RAB9B: variants seen among roughly 807,000 people sequenced by gnomAD.
RAB9B encodes RAB9B, member RAS oncogene family, also known as ras-related protein Rab-9B.
A neutral mutation model predicts 8.9 loss-of-function variants in RAB9B; 1 was observed. That is an observed-to-expected ratio of 0.11 (90% CI 0.04 to 0.53). RAB9B has a LOEUF of 0.53. Ranked by LOEUF, RAB9B falls within the 20% of genes least tolerant of loss-of-function variation. RAB9B has a pLI of 0.93. For synonymous variants in RAB9B, 63 were observed against 57.0 expected, an observed-to-expected ratio of 1.10 and a Z score of -0.47; for missense variants, 82 against 152.9, an observed-to-expected ratio of 0.54 and a Z score of 2.45.
the RAB9B span, among the ~76,000 whole-genome samples, chrX:103,806,436 G>A: frequency 9.9e-5 from 11 of 111,121 alleles, no homozygotes; most frequent in Admixed American, 8.6e-4. Context: ...TTCTAATTTC[G>A]TTGTACCATG....
chrX:103,782,675 C>T, the RAB9B span, among the ~76,000 whole-genome samples: 6 of 112,341 alleles, frequency 5.3e-5, no homozygotes, highest in Non-Finnish European at 9.4e-5. Context: ...TTAGCCCTTC[C>T]CAGATGAAAA....
the RAB9B span, among the ~76,000 whole-genome samples, chrX:103,793,909 T>C: frequency 8.9e-6 from 1 of 112,697 alleles, no homozygotes; most frequent in Non-Finnish European, 1.9e-5. Flanking sequence ...TTGCTTTTCC[T>C]ATCTTCAGGG....
At chrX:103,830,731 A>G (rs1409620167) in intron 1 of RAB9B, among the ~76,000 whole-genome samples, 1 of 110,289 alleles carries the variant, frequency 9.1e-6, no homozygotes, top group East Asian at 2.8e-4. Flanking sequence ...TGCAGTACCC[A>G]CAAAGCCTTA....
At chrX:103,780,077 G>C in the RAB9B span, 1 of 113,019 alleles carries the variant, frequency 8.8e-6, no homozygotes, top group African/African-American at 3.2e-5. Context: ...AGCAAGTACT[G>C]ATTGATTAAT....
the RAB9B span, among the ~76,000 whole-genome samples, chrX:103,789,727 G>C: frequency 8.9e-6 from 1 of 111,891 alleles, no homozygotes; most frequent in Non-Finnish European, 1.9e-5. Context: ...AATACATTTT[G>C]ATCAGATCAG....
At chrX:103,808,338 T>C in the RAB9B span, among the ~76,000 whole-genome samples, 29 of 112,054 alleles carry the variant, frequency 2.6e-4, no homozygotes, top group African/African-American at 9.4e-4. Context: ...ACTCAGCACA[T>C]GGCCTTAATA....
chrX:103,779,864 C>A, the RAB9B span: 2 of 112,370 alleles, frequency 1.8e-5, no homozygotes, highest in African/African-American at 6.5e-5. Context: ...AAAGCCATCC[C>A]CTGGGTACAG....
At chrX:103,813,745 C>CAAAAAAAAAAAAAAAA in the RAB9B span, among the ~76,000 whole-genome samples, 1 of 8,542 alleles carries the variant, frequency 1.2e-4, no homozygotes, top group Non-Finnish European at 1.9e-4. Context: ...AAATGGAAAG[C>CAAAAAAAAAAAAAAAA]AAAAAAAAAA....
the RAB9B span, among the ~76,000 whole-genome samples, chrX:103,798,653 T>G: frequency 1.8e-5 from 2 of 108,743 alleles, no homozygotes; most frequent in Non-Finnish European, 3.8e-5. Flanking sequence ...AATTTTTTTT[T>G]TTTTTTTGAG....
the RAB9B span, chrX:103,786,934 T>A: frequency 2.2e-6 from 1 of 448,396 alleles, no homozygotes; most frequent in East Asian, 3.7e-5. Flanking sequence ...CCTAAGCAAA[T>A]TTCTTCTCAA....
At chrX:103,831,181 G>A (rs2074702034) in intron 1 of RAB9B, among the ~76,000 whole-genome samples, 1 of 110,717 alleles carries the variant, frequency 9.0e-6, no homozygotes, top group Admixed American at 9.6e-5. Flanking sequence ...ATTGGGCGCG[G>A]CTATATTTAT....
chrX:103,778,087 T>C, the RAB9B span, among the ~76,000 whole-genome samples: 4 of 109,930 alleles, frequency 3.6e-5, no homozygotes, highest in East Asian at 5.7e-4. Context: ...GGACAGGGAG[T>C]CGGAAAAATC....
chrX:103,811,419 C>G, the RAB9B span, among the ~76,000 whole-genome samples: 2 of 111,515 alleles, frequency 1.8e-5, no homozygotes, highest in African/African-American at 6.5e-5. Flanking sequence ...TAATAATAAC[C>G]CTTAGTTTTT....
At chrX:103,799,508 A>T in the RAB9B span, among the ~76,000 whole-genome samples, 12 of 112,100 alleles carry the variant, frequency 1.1e-4, no homozygotes, top group Non-Finnish European at 5.6e-5. Context: ...GTGCACACAC[A>T]TCTCACATTA....
downstream of RAB9B, among the ~76,000 whole-genome samples, chrX:103,821,462 G>A (rs1273752578): frequency 2.7e-5 from 3 of 111,248 alleles, no homozygotes; most frequent in Admixed American, 2.9e-4. Flanking sequence ...GAAATCTGTG[G>A]CAGATGGAAT....
At chrX:103,798,842 A>G in the RAB9B span, among the ~76,000 whole-genome samples, 1 of 108,149 alleles carries the variant, frequency 9.2e-6, no homozygotes, top group Non-Finnish European at 1.9e-5. Flanking sequence ...GGGTTTCACC[A>G]TGTTGGCCAG....
chrX:103,831,345 A>G (rs1197475763), intron 1 of RAB9B, among the ~76,000 whole-genome samples: 1 of 107,242 alleles, frequency 9.3e-6, no homozygotes, highest in African/African-American at 3.4e-5. Flanking sequence ...GTTATCAGCT[A>G]CATCCATGCC....
At chrX:103,790,007 C>T in the RAB9B span, among the ~76,000 whole-genome samples, 4 of 112,219 alleles carry the variant, frequency 3.6e-5, no homozygotes, top group Non-Finnish European at 7.5e-5. Context: ...AGTGATTTAT[C>T]TGAAGTTATT....
the RAB9B span, among the ~76,000 whole-genome samples, chrX:103,803,275 G>T: frequency 1.8e-5 from 2 of 112,193 alleles, no homozygotes; most frequent in Non-Finnish European, 3.8e-5. Context: ...GGAACTGTCA[G>T]ACTGTTTTCC....
Sources: gnomAD v4.1 joint callset for allele counts (sites outside exome capture counted in the v4.1 genomes callset) on GRCh38, gnomAD v4.1.1 for gene constraint, MANE v1.5 for transcripts, NCBI Gene and HGNC (gene_info 2026-07-23, HGNC 2026-07-21) for gene names.